The following TOX2 variants were observed in gnomAD, a reference collection of about 807,000 sequenced individuals.
TOX2 encodes granulosa cell HMG box 1.
A neutral mutation model predicts 47.4 loss-of-function variants in TOX2; 15 were observed. The observed-to-expected ratio is 0.32, with a 90% confidence interval of 0.21 to 0.49. The LOEUF is 0.49. Ranked by LOEUF, TOX2 falls within the 20% of genes least tolerant of loss-of-function variation. TOX2 has a pLI of 0.99. For missense variants in TOX2, 622 were observed against 673.1 expected (o/e 0.92, Z 0.84); for synonymous variants, 290 against 296.6 (o/e 0.98, Z 0.23).
chr20:44,010,112 C>T (rs746162533), intron 3 of TOX2, among the ~76,000 whole-genome samples: 1 of 152,172 alleles, frequency 6.6e-6, no homozygotes, highest in Non-Finnish European at 1.5e-5. Flanking sequence ...GTAATAAAAA[C>T]GAATTTGACT....
chr20:43,952,504 G>C (rs1228404955), intron 1 of TOX2, among the ~76,000 whole-genome samples: 1 of 152,208 alleles, frequency 6.6e-6, no homozygotes, highest in Non-Finnish European at 1.5e-5. Flanking sequence ...CTGTAGGTTG[G>C]TCAAGTCTCG....
At chr20:44,060,176 A>G (rs969555144) in intron 5 of TOX2, among the ~76,000 whole-genome samples, 2 of 152,168 alleles carry the variant, frequency 1.3e-5, no homozygotes, top group African/African-American at 4.8e-5. Flanking sequence ...ATTATATAAT[A>G]AAACTAGTCC....
intron 2 of TOX2, among the ~76,000 whole-genome samples, chr20:43,986,489 C>T (rs565443126): frequency 6.6e-6 from 1 of 152,128 alleles, no homozygotes; most frequent in Admixed American, 6.5e-5. Flanking sequence ...TCCATGTTGG[C>T]CAGGCTGGTC....
At chr20:44,048,729 T>C (rs148839744) in intron 3 of TOX2, among the ~76,000 whole-genome samples, 5 of 151,698 alleles carry the variant, frequency 3.3e-5, no homozygotes, top group Non-Finnish European at 7.4e-5. Flanking sequence ...GCATTATTCA[T>C]ATCAGACTCC....
intron 3 of TOX2, among the ~76,000 whole-genome samples, chr20:44,019,206 G>A (rs915838130): frequency 6.6e-6 from 1 of 152,232 alleles, no homozygotes; most frequent in African/African-American, 2.4e-5. Context: ...GGACCCTATA[G>A]CATCTTCTGT....
At chr20:43,993,792 G>A (rs759933778) in intron 2 of TOX2, among the ~76,000 whole-genome samples, 1 of 152,198 alleles carries the variant, frequency 6.6e-6, no homozygotes, top group Non-Finnish European at 1.5e-5. Flanking sequence ...AAAGTTTGCT[G>A]GGCTTTTGTG....
At position 43,994,109 on chromosome 20, in the gene TOX2, C is replaced by T. The variant is rs6130496; in HGVS notation, c.166-12438C>T. Among the ~76,000 whole-genome samples, 229 of 152,086 alleles carry T rather than the reference C, an allele frequency of 1.5e-3. 6 individuals are homozygous for T. In the East Asian group the frequency reaches 0.039, roughly 26 times the overall value. The stretch of plus-strand genomic sequence containing the variant: ...GAGGCTGCAGTGAGCTGTGATCATG[C>T]CACTGTGCTCCAGCCTGGGCAACAG... On this transcript the variant is annotated intron_variant, in intron 2 of 8. Coordinates refer to ENST00000341197, the MANE Select transcript of TOX2 (RefSeq NM_001098797.2).
chr20:43,986,406 C>T (rs186896157), intron 2 of TOX2, among the ~76,000 whole-genome samples: 2 of 152,104 alleles, frequency 1.3e-5, no homozygotes, highest in East Asian at 1.9e-4. Context: ...CTCAGCCTCC[C>T]GAGTAGCTGG....
intron 3 of TOX2, among the ~76,000 whole-genome samples, chr20:44,009,134 G>C (rs969739001): frequency 2.0e-5 from 3 of 152,140 alleles, no homozygotes; most frequent in Non-Finnish European, 4.4e-5. Context: ...AGCCACAGTC[G>C]AATTTGTGGC....
At chr20:43,980,893 C>T (rs1330091221) in intron 2 of TOX2, among the ~76,000 whole-genome samples, 1 of 152,014 alleles carries the variant, frequency 6.6e-6, no homozygotes, top group Non-Finnish European at 1.5e-5. Flanking sequence ...TATGGCCAAA[C>T]CAGCATAAGT....
At chr20:43,986,092 G>T (rs2070258476) in intron 2 of TOX2, among the ~76,000 whole-genome samples, 1 of 152,144 alleles carries the variant, frequency 6.6e-6, no homozygotes, top group Non-Finnish European at 1.5e-5. Context: ...GCTATTGACT[G>T]CTGGGATGGC....
chr20:43,977,735 AATGAG>A (rs1441997805), intron 2 of TOX2, among the ~76,000 whole-genome samples: 1 of 152,148 alleles, frequency 6.6e-6, no homozygotes, highest in Non-Finnish European at 1.5e-5. Flanking sequence ...GTGGCCTGAG[AATGAG>A]ATATAATTCT....
intron 1 of TOX2, among the ~76,000 whole-genome samples, chr20:43,961,581 A>T (rs1481749417): frequency 1.1e-4 from 15 of 141,732 alleles, no homozygotes; most frequent in Admixed American, 2.8e-4. Context: ...GGAAGGGAAG[A>T]TGGTGCTGAA....
chr20:44,029,543 C>T (rs941493347), intron 3 of TOX2, among the ~76,000 whole-genome samples: 1 of 152,118 alleles, frequency 6.6e-6, no homozygotes, highest in East Asian at 1.9e-4. Flanking sequence ...GCAGCAGCGA[C>T]CTCACAGGGT....
At chr20:43,929,996 A>G (rs953622662) in intron 1 of TOX2, among the ~76,000 whole-genome samples, 1 of 152,174 alleles carries the variant, frequency 6.6e-6, no homozygotes, top group African/African-American at 2.4e-5. Flanking sequence ...ACGTGAGCCA[A>G]TGCGCCCAGC....
At chr20:43,998,707 T>C (rs192304808) in intron 2 of TOX2, among the ~76,000 whole-genome samples, 48 of 150,728 alleles carry the variant, frequency 3.2e-4, no homozygotes, top group African/African-American at 1.0e-3. Flanking sequence ...CTCTGCTTTT[T>C]GTTGGCCTGA....
chr20:43,956,345 G>A (rs1472898426), intron 1 of TOX2, among the ~76,000 whole-genome samples: 1 of 152,118 alleles, frequency 6.6e-6, no homozygotes, highest in Non-Finnish European at 1.5e-5. Flanking sequence ...TGGATCACCT[G>A]AGGTCAGGAG....
intron 3 of TOX2, among the ~76,000 whole-genome samples, chr20:44,007,935 G>T (rs778430488): frequency 6.6e-6 from 1 of 152,110 alleles, no homozygotes; most frequent in Non-Finnish European, 1.5e-5. Context: ...ACATTTCATA[G>T]AAATGGAGTC....
At chr20:44,035,524 G>T (rs150220302) in intron 3 of TOX2, among the ~76,000 whole-genome samples, 6 of 151,982 alleles carry the variant, frequency 3.9e-5, no homozygotes, top group African/African-American at 1.5e-4. Context: ...GTTCCCCCAC[G>T]ACCACCACAC....
Sources: gnomAD v4.1 joint callset for allele counts (sites outside exome capture counted in the v4.1 genomes callset) on GRCh38, gnomAD v4.1.1 for gene constraint, MANE v1.5 for transcripts, NCBI Gene and HGNC (gene_info 2026-07-23, HGNC 2026-07-21) for gene names.